DSE: variants seen among roughly 807,000 people sequenced by gnomAD.
The protein encoded by DSE is dermatan sulfate epimerase, also known as dermatan-sulfate epimerase.
In DSE, 36 loss-of-function variants were observed where a neutral mutation model predicts 84.4. The ratio of observed to expected loss-of-function variants is 0.43; its 90% CI spans 0.33 to 0.56. The LOEUF is 0.56. Among genes scored for constraint, DSE ranks in the 20% least tolerant of loss-of-function variants. The probability of loss-of-function intolerance (pLI) is 0.06; values close to 1 mark genes in which losing one functional copy is unlikely to be tolerated. For synonymous variants in DSE, 410 were observed against 430.1 expected (o/e 0.95, Z 0.58); for missense variants, 862 against 1,169.6 (o/e 0.74, Z 3.84).
intron 1 of DSE, among the ~76,000 whole-genome samples, chr6:116,381,930 C>T (rs1289403537): frequency 1.3e-5 from 2 of 152,016 alleles, no homozygotes; most frequent in East Asian, 3.8e-4. Flanking sequence ...TGAAGGAGAA[C>T]CTGTACCAAG....
rs1784140656 is a variant in DSE at position 116,436,172 on chromosome 6, T to G, written c.1704T>G (p.Leu568=). The G allele has an allele frequency of 6.2e-7, 1 of 1,613,338 alleles. No homozygotes were observed. Among genetic ancestry groups the G allele is most frequent in the Admixed American group, 1.7e-5 (1 of 59,976 alleles). Residue 568 remains leucine (L), a synonymous_variant, in exon 6 of 6, where the codon CTT becomes CTG. Coordinates refer to ENST00000644252, the MANE Select transcript of DSE (RefSeq NM_013352.4). ...LILLHPQLLL[L]VDQIHLGEES... Reference sequence around the variant, plus strand: ...TCCTACATCCACAGCTGCTTCTCCTTGTAGACCAAATACACCTGGGAGAGG... The same window carrying G: ...TCCTACATCCACAGCTGCTTCTCCTGGTAGACCAAATACACCTGGGAGAGG...
intron 2 of DSE, among the ~76,000 whole-genome samples, chr6:116,348,778 T>C (rs577277557): frequency 5.3e-5 from 8 of 152,308 alleles, no homozygotes; most frequent in South Asian, 2.1e-4. Context: ...ATATACACCA[T>C]GGAATACTAT....
At chr6:116,267,576 T>C (rs1451853871) in intron 2 of DSE, among the ~76,000 whole-genome samples, 1 of 152,116 alleles carries the variant, frequency 6.6e-6, no homozygotes, top group Admixed American at 6.5e-5. Flanking sequence ...AGTTAAAACA[T>C]AAAGTAAAAA....
intron 2 of DSE, among the ~76,000 whole-genome samples, chr6:116,405,490 G>GT (rs1781867024): frequency 6.6e-6 from 1 of 152,046 alleles, no homozygotes; most frequent in African/African-American, 2.4e-5. Context: ...TCTCATTCAT[G>GT]TTTTTCCCTT....
intron 2 of DSE, among the ~76,000 whole-genome samples, chr6:116,264,716 A>C (rs956307320): frequency 6.6e-6 from 1 of 151,906 alleles, no homozygotes; most frequent in African/African-American, 2.4e-5. Context: ...TGTTCCTTCA[A>C]TCTTTGAGGT....
intron 2 of DSE, chr6:116,277,908 CAAAAAAAAAAAAAAAA>C (rs57691187): frequency 2.1e-4 from 12 of 57,336 alleles, no homozygotes; most frequent in East Asian, 4.6e-4. Context: ...TCCTCCGTCT[CAAAAAAAAAAAAAAAA>C]AAAAAAAAAA....
At chr6:116,394,356 G>T (rs571793455) in intron 1 of DSE, among the ~76,000 whole-genome samples, 1 of 152,066 alleles carries the variant, frequency 6.6e-6, no homozygotes, top group Non-Finnish European at 1.5e-5. Context: ...TGGCCTACAC[G>T]TAATGCTAAA....
intron 1 of DSE, among the ~76,000 whole-genome samples, chr6:116,395,271 A>G (rs1331494183): frequency 6.6e-6 from 1 of 152,194 alleles, no homozygotes; most frequent in African/African-American, 2.4e-5. Flanking sequence ...TAAAAATACA[A>G]AATATTAGCT....
chr6:116,341,524 A>G (rs748408147), intron 2 of DSE, among the ~76,000 whole-genome samples: 10 of 151,728 alleles, frequency 6.6e-5, no homozygotes, highest in Non-Finnish European at 1.5e-4. Context: ...GCAAAATGCC[A>G]TTGCCATTTG....
chr6:116,381,422 A>G (rs1220953114), intron 1 of DSE, among the ~76,000 whole-genome samples: 1 of 152,172 alleles, frequency 6.6e-6, no homozygotes. Context: ...AGGGAAATAC[A>G]GGCTCTTGAG....
At chr6:116,285,985 G>T (rs1773880028) in intron 2 of DSE, among the ~76,000 whole-genome samples, 2 of 152,156 alleles carry the variant, frequency 1.3e-5, no homozygotes. Context: ...TTTTGCTTAG[G>T]ATTGTCTTGG....
chr6:116,386,542 C>T (rs1780587001), intron 1 of DSE, among the ~76,000 whole-genome samples: 3 of 152,230 alleles, frequency 2.0e-5, no homozygotes. Flanking sequence ...ACAATGTGTG[C>T]CAATACATGC....
intron 2 of DSE, among the ~76,000 whole-genome samples, chr6:116,313,887 C>CA (rs1379571067): frequency 6.6e-6 from 1 of 152,072 alleles, no homozygotes; most frequent in Non-Finnish European, 1.5e-5. Flanking sequence ...CTCACTATGC[C>CA]AATAATCTTG....
intron 2 of DSE, among the ~76,000 whole-genome samples, chr6:116,356,106 T>C (rs1361849877): frequency 6.6e-6 from 1 of 152,160 alleles, no homozygotes; most frequent in African/African-American, 2.4e-5. Flanking sequence ...GTCCTGTAGA[T>C]TGGTATGGAC....
In DSE at chr6:116,399,481, G is replaced by A. The variant is rs9400910; in HGVS notation, c.231G>A (p.Thr77=). 1.9e-6 allele frequency: 3 copies of A among 1,614,218 alleles called. No individual in the cohort carries two copies. The highest frequency in any genetic ancestry group is 1.7e-5 in the Admixed American group (1 of 60,030). ...CCCGCCTCACGGAGGCTGTGCACAC[G>A]ATGCTGTCCAGCCCCTTGGAATACC... is the stretch of plus-strand genomic sequence containing the variant. ...IAARLTEAVH[T]MLSSPLEYLP... is the part of the protein sequence containing the mutation. The change falls in exon 2 of 6, where the codon ACG becomes ACA. Residue 77 remains threonine, a synonymous_variant. Transcript: ENST00000644252.
At chr6:116,379,968 TTAGGGTGGTTATATTACAGATCC>T (rs1780127568) in intron 1 of DSE, among the ~76,000 whole-genome samples, 1 of 152,242 alleles carries the variant, frequency 6.6e-6, no homozygotes, top group African/African-American at 2.4e-5. Context: ...GTTAGTGGTG[TTAGGGTGGTTATATTACAGATCC>T]TAGGGTGGTT....
chr6:116,408,216 C>G (rs192532438), intron 2 of DSE, among the ~76,000 whole-genome samples: 12 of 152,300 alleles, frequency 7.9e-5, no homozygotes, highest in Admixed American at 7.8e-4. Flanking sequence ...AAACTTCTTT[C>G]TAGAAAATTT....
intron 2 of DSE, among the ~76,000 whole-genome samples, chr6:116,259,478 A>G (rs1772310950): frequency 1.3e-5 from 2 of 152,204 alleles, no homozygotes; most frequent in African/African-American, 4.8e-5. Flanking sequence ...TCACATTTAT[A>G]TCTCTTTGAT....
At chr6:116,279,126 G>T (rs1773316857) in intron 2 of DSE, 1 of 1,614,126 alleles carries the variant, frequency 6.2e-7, no homozygotes, top group East Asian at 2.2e-5. Context: ...GTTCCAGCTG[G>T]ATGGCCTCCA....
Sources: allele counts gnomAD v4.1 joint callset (sites outside exome capture counted in the v4.1 genomes callset), GRCh38; gene constraint gnomAD v4.1.1; transcripts MANE v1.5; gene names NCBI Gene and HGNC (gene_info 2026-07-23, HGNC 2026-07-21).